Variants in GUCY1A1 observed in about 807,000 individuals in gnomAD.
The protein encoded by GUCY1A1 is guanylate cyclase 1 soluble subunit alpha 1.
GUCY1A1 carries 48 observed loss-of-function variants against 64.5 expected under a neutral mutation model. The ratio of observed to expected loss-of-function variants is 0.74; its 90% confidence interval spans 0.59 to 0.95. The LOEUF (loss-of-function observed/expected upper bound fraction) is 0.95. Ranked by LOEUF, GUCY1A1 falls within the 40% of genes least tolerant of loss-of-function variation. GUCY1A1 has a pLI of 0.00. For synonymous variants in GUCY1A1, 308 were observed against 303.4 expected (o/e 1.02, Z -0.16); for missense variants, 804 against 825.3 (o/e 0.97, Z 0.32).
chr4:155,699,318 G>A (rs1730797574), intron 3 of GUCY1A1, among the ~76,000 whole-genome samples: 2 of 152,024 alleles, frequency 1.3e-5, no homozygotes, highest in South Asian at 2.1e-4. Context: ...TTTCTGGGTG[G>A]TGTGCCTTCT....
rs182413512 is a variant in GUCY1A1 at position 155,672,874 on chromosome 4, T to C, written c.-113+5455T>C. ...GCTTTCAATATTTTGTAGTGTAATT[T>C]CTCCAAATTAATGGATTTAAACTCA... On this transcript the variant is annotated intron_variant, in intron 2 of 9. Coordinates refer to ENST00000506455, the MANE Select transcript of GUCY1A1 (RefSeq NM_001130682.3). 1.3e-3 allele frequency among the ~76,000 whole-genome samples: 203 copies of C among 152,328 alleles called. 2 individuals carry two copies. Among genetic ancestry groups the C allele is most frequent in the Admixed American group, 0.013 (195 of 15,300 alleles).
chr4:155,711,881 T>C (rs1197406094), intron 6 of GUCY1A1, among the ~76,000 whole-genome samples: 2 of 152,212 alleles, frequency 1.3e-5, no homozygotes, highest in African/African-American at 4.8e-5. Flanking sequence ...AGCTTTATTA[T>C]TGCTTTTCTA....
At chr4:155,719,881 T>C (rs1027954401) in intron 8 of GUCY1A1, among the ~76,000 whole-genome samples, 6 of 152,202 alleles carry the variant, frequency 3.9e-5, no homozygotes, top group African/African-American at 1.4e-4. Flanking sequence ...TAGGTTCCCA[T>C]TCAAACTTTT....
At chr4:155,699,884 C>T (rs1730862306) in intron 3 of GUCY1A1, among the ~76,000 whole-genome samples, 1 of 151,964 alleles carries the variant, frequency 6.6e-6, no homozygotes, top group Admixed American at 6.6e-5. Flanking sequence ...AATGTATTAT[C>T]CTTAGAAAAT....
chr4:155,730,954 A>T lies in GUCY1A1; in HGVS notation c.*723A>T, dbSNP rs780597970. On this transcript the variant is annotated 3_prime_UTR_variant, in exon 10 of 10. Transcript: ENST00000506455. ...TTAAAATTCTACAATGGTAAAAGCT[A>T]TTTTAATCCATGTTAGCAATTTAAT... is the stretch of plus-strand genomic sequence containing the variant. 5 of 153,394 alleles carry T rather than the reference A, an allele frequency of 3.3e-5. No individual in the cohort carries two copies. The highest frequency in any genetic ancestry group is 7.4e-5 in the Non-Finnish European group (5 of 67,860). 9.5% of individuals were successfully genotyped at this position (153,394 alleles called of 1,614,324 possible).
rs373659892 is a variant in GUCY1A1 at position 155,712,979 on chromosome 4, T to A, written c.1087-119T>A. ...ATAGGAACTATAAGAAAGCAAATTG[T>A]TCCTTTTCAGCAGGTTTAAACACAA... On this transcript the variant is annotated intron_variant, in intron 6 of 9. Coordinates refer to ENST00000506455, the MANE Select transcript of GUCY1A1 (RefSeq NM_001130682.3). 677 of 799,006 alleles carry A rather than the reference T, an allele frequency of 8.5e-4. 5 individuals are homozygous for A. In the South Asian group the frequency reaches 9.6e-3, roughly 11 times the overall value. 49.5% of individuals were successfully genotyped at this position (799,006 alleles called of 1,614,324 possible).
intron 9 of GUCY1A1, chr4:155,722,485 A>C: frequency 8.8e-7 from 1 of 1,134,148 alleles, no homozygotes; most frequent in Non-Finnish European, 1.1e-6. Flanking sequence ...GTATGTTGAT[A>C]GGTGTTCTGA....
At chr4:155,703,838 C>T (rs964736883) in intron 3 of GUCY1A1, 94 bp from the exon 4 acceptor site, 29 of 773,266 alleles carry the variant, frequency 3.8e-5, no homozygotes, top group Middle Eastern at 3.7e-4. Context: ...GCTTTATTCT[C>T]GAAAATAAAT....
intron 2 of GUCY1A1, 28 bp downstream of exon 2, chr4:155,667,447 G>T (rs1733464895): frequency 6.6e-6 from 1 of 152,350 alleles, no homozygotes; most frequent in African/African-American, 2.4e-5. Flanking sequence ...CCCCACGCGG[G>T]TCGGGGTTCT....
intron 2 of GUCY1A1, among the ~76,000 whole-genome samples, chr4:155,676,929 A>G (rs4691842): frequency 0.51 from 77,471 of 151,154 alleles, 21,442 homozygotes; most frequent in East Asian, 0.83. Context: ...GGACATGTTT[A>G]CCAATGTACT....
chr4:155,696,063 T>C (rs1335688431), intron 2 of GUCY1A1, among the ~76,000 whole-genome samples: 2 of 152,160 alleles, frequency 1.3e-5, no homozygotes, highest in Non-Finnish European at 2.9e-5. Flanking sequence ...CACCGCAGTC[T>C]AGATTTGTTT....
rs1732854242 is a variant in GUCY1A1 at position 155,713,493 on chromosome 4, C to T, written c.1482C>T (p.Cys494=). 2 of 1,614,124 alleles carry T rather than the reference C, an allele frequency of 1.2e-6. No homozygotes were observed. The highest frequency in any genetic ancestry group is 1.7e-6 in the Non-Finnish European group (2 of 1,179,962). Residue 494 remains cysteine (C), a synonymous_variant, in exon 7 of 10, where the codon TGC becomes TGT. Transcript: ENST00000506455. ...ACATCGTTGGGTTCACTGCCATCTGCTCCCAGTGCTCACCGCTGCAGGTCA... is the reference window on the plus strand; with the variant it reads ...ACATCGTTGGGTTCACTGCCATCTGTTCCCAGTGCTCACCGCTGCAGGTCA... ...FSDIVGFTAI[C]SQCSPLQVIT...
In GUCY1A1 at chr4:155,732,679, T is replaced by C. The variant is rs1204429519; in HGVS notation, c.*2448T>C. Among the ~76,000 whole-genome samples the C allele has an allele frequency of 6.6e-6, 1 of 151,820 alleles. No individual in the cohort carries two copies. Among genetic ancestry groups the C allele is most frequent in the African/African-American group, 2.4e-5 (1 of 41,388 alleles). On this transcript the variant is annotated 3_prime_UTR_variant, in exon 10 of 10. Transcript: ENST00000506455. The stretch of plus-strand genomic sequence containing the variant: ...TGAGGTATTGAAGATGGAAAAATAG[T>C]GGACAAACAGCCTGTAATCAGGTTG...
chr4:155,670,275 AATAATTAAAAATATGTTT>A (rs1318749350), intron 2 of GUCY1A1, among the ~76,000 whole-genome samples: 2 of 152,224 alleles, frequency 1.3e-5, no homozygotes, highest in Admixed American at 6.5e-5. Context: ...CCAAAGTATT[AATAATTAAAAATATGTTT>A]GTCTCTTGAC....
rs918612795 is a variant in GUCY1A1 at position 155,666,910 on chromosome 4, G to C, written c.-242G>C. On this transcript the variant is annotated 5_prime_UTR_variant, in exon 1 of 10. Transcript: ENST00000506455. Reference sequence around the variant, plus strand: ...CAGACCCAGGCGGAGGACACCTGTGGGGGAGGGAGCGCCTGGAGGAGCTTA... The same window carrying C: ...CAGACCCAGGCGGAGGACACCTGTGCGGGAGGGAGCGCCTGGAGGAGCTTA... 1 of 152,292 alleles carries C rather than the reference G, an allele frequency of 6.6e-6. No homozygotes were observed. The highest frequency in any genetic ancestry group is 2.4e-5 in the African/African-American group (1 of 41,418). The allele number at this position is 152,292 out of a possible 1,614,324, so 9.4% of individuals were successfully genotyped here.
chr4:155,698,348 C>G (rs1175932246), intron 3 of GUCY1A1, among the ~76,000 whole-genome samples: 1 of 152,160 alleles, frequency 6.6e-6, no homozygotes, highest in Non-Finnish European at 1.5e-5. Context: ...ATTATTCTTA[C>G]CACACTCTAG....
intron 7 of GUCY1A1, among the ~76,000 whole-genome samples, chr4:155,715,571 C>T (rs1002279146): frequency 3.3e-4 from 51 of 152,246 alleles, no homozygotes; most frequent in African/African-American, 9.1e-4. Flanking sequence ...TTCCATATGA[C>T]GTGACGAAGG....
intron 5 of GUCY1A1, among the ~76,000 whole-genome samples, chr4:155,710,247 A>G (rs1325835446): frequency 6.6e-6 from 1 of 152,202 alleles, no homozygotes; most frequent in Admixed American, 6.5e-5. Context: ...TAATACTGGA[A>G]TTCAAATTAT....
chr4:155,722,592 G>GAT, intron 9 of GUCY1A1: 1 of 253,638 alleles, frequency 3.9e-6, no homozygotes. Context: ...CAACAAGCCT[G>GAT]CCCTTAATTC....
Sources: allele counts gnomAD v4.1 joint callset (sites outside exome capture counted in the v4.1 genomes callset), GRCh38; gene constraint gnomAD v4.1.1; transcripts MANE v1.5; gene names NCBI Gene and HGNC (gene_info 2026-07-23, HGNC 2026-07-21).